The following EVX2 variants were observed in gnomAD, a reference collection of about 807,000 sequenced individuals.
EVX2 encodes homeobox even-skipped homolog protein 2.
EVX2 carries 10 observed loss-of-function variants against 19.2 expected under a neutral mutation model. The ratio of observed to expected loss-of-function variants is 0.52; its 90% CI spans 0.32 to 0.89. EVX2 has a LOEUF of 0.89. EVX2 is among the 40% of genes least tolerant of loss of function. The pLI is 0.03. For synonymous variants in EVX2, 354 were observed against 328.4 expected (o/e 1.08, Z -0.84); for missense variants, 710 against 694.9 (o/e 1.02, Z -0.24).
At position 176,082,060 on chromosome 2, in the gene EVX2, C is replaced by T; in HGVS notation, c.699+118G>A. 1.8e-6 allele frequency: 2 copies of T among 1,142,638 alleles called. No individual in the cohort carries two copies. Among genetic ancestry groups the T allele is most frequent in the Admixed American group, 3.1e-5 (1 of 31,950 alleles). 70.8% of individuals were successfully genotyped at this position (1,142,638 alleles called of 1,614,324 possible). The stretch of plus-strand genomic sequence containing the variant: ...GCCAATTCCTTTGGTGACTACCCCC[C>T]GCGGATTTCCAGACCCTTAGCTAAA... On this transcript the variant is annotated intron_variant, in intron 2 of 2. Coordinates refer to ENST00000308618, the MANE Select transcript of EVX2 (RefSeq NM_001080458.2). The surrounding 1 kb of genome is among the most constrained non-coding windows in gnomAD (Gnocchi z 5.2).
Position 176,083,266 on chromosome 2 carries a change from A to G in EVX2, c.427+84T>C. 1 of 1,400,780 alleles carries G rather than the reference A, an allele frequency of 7.1e-7. No individual in the cohort carries two copies. Among genetic ancestry groups the G allele is most frequent in the East Asian group, 2.5e-5 (1 of 40,038 alleles). The allele number at this position is 1,400,780 out of a possible 1,614,324, so 86.8% of individuals were successfully genotyped here. A position where few individuals can be genotyped will look rare whatever the true frequency, so the allele number is the denominator to read the frequency against. ...TTGCCTGTGGAGGGTCTGAGAGGGGAAAAGGCACCGGGAAAGGCTGGCGGG... is the reference window on the plus strand; with the variant it reads ...TTGCCTGTGGAGGGTCTGAGAGGGGGAAAGGCACCGGGAAAGGCTGGCGGG... On this transcript the variant is annotated intron_variant, in intron 1 of 2. Transcript: ENST00000308618. This position sits in a 1 kb window ranked among gnomAD's most constrained non-coding sequence, Gnocchi z 4.4.
chr2:176,083,642 G>C lies in EVX2; in HGVS notation c.135C>G (p.His45Gln). ...AVLEALENSQHPARLSPRLPS... is the reference protein window; with the variant it reads ...AVLEALENSQQPARLSPRLPS... ...GCAGGCGCGGGCTTAGGCGAGCCGG[G>C]TGCTGCGAATTTTCCAGGGCCTCGA... Residue 45 changes from histidine to glutamine, a missense_variant, in exon 1 of 3, where the codon CAC becomes CAG. Physicochemically the swap from His to Gln is conservative, Grantham distance 24. Coordinates refer to ENST00000308618, the MANE Select transcript of EVX2 (RefSeq NM_001080458.2). The surrounding 1 kb of genome is among the most constrained non-coding windows in gnomAD (Gnocchi z 4.4). 1 of 1,614,188 alleles carries C rather than the reference G, an allele frequency of 6.2e-7. No homozygotes were observed. Among genetic ancestry groups the C allele is most frequent in the South Asian group, 1.1e-5 (1 of 91,090 alleles).
At position 176,082,112 on chromosome 2, in the gene EVX2, G is replaced by GA; in HGVS notation, c.699+65dup. The GA allele has an allele frequency of 6.9e-7, 1 of 1,455,538 alleles. No individual in the cohort carries two copies. Among genetic ancestry groups the GA allele is most frequent in the Non-Finnish European group, 9.0e-7 (1 of 1,105,916 alleles). The allele number at this position is 1,455,538 out of a possible 1,614,324, so 90.2% of individuals were successfully genotyped here. Reference sequence around the variant, plus strand: ...CTAGCCACCCAGAAAGGGGAAAGGGGAAAAAGAAACAATCAACCCAGATGC... The same window carrying GA: ...CTAGCCACCCAGAAAGGGGAAAGGGGAAAAAAGAAACAATCAACCCAGATGC... On this transcript the variant is annotated intron_variant, in intron 2 of 2. Transcript: ENST00000308618. This position sits in a 1 kb window ranked among gnomAD's most constrained non-coding sequence, Gnocchi z 5.2.
Position 176,082,358 on chromosome 2 carries a change from G to T in EVX2, c.519C>A (p.Gly173=). The T allele has an allele frequency of 6.2e-7, 1 of 1,602,150 alleles. No homozygotes were observed. Among genetic ancestry groups the T allele is most frequent in the Non-Finnish European group, 8.5e-7 (1 of 1,178,078 alleles). Residue 173 remains glycine (G), a synonymous_variant, in exon 2 of 3, where the codon GGC becomes GGA. Coordinates refer to ENST00000308618, the MANE Select transcript of EVX2 (RefSeq NM_001080458.2). The surrounding 1 kb of genome is among the most constrained non-coding windows in gnomAD (Gnocchi z 5.2). ...CGGAGCCACCCAGCGCCGCGCTCCC[G>T]CCGCTGCCTCCGCTGCCTCCATGCA... The part of the protein sequence containing the change: ...GSLHGGSGGS[G]GSAALGGSGS...
chr2:176,083,907 A>T lies in EVX2; in HGVS notation c.-131T>A, dbSNP rs1275054810. ...ATTATCGCTTTCGGAGGGAGGCGGA[A>T]AAATTGTGGGATGCCAGAGCGAGGG... On this transcript the variant is annotated 5_prime_UTR_variant, in exon 1 of 3. Coordinates refer to ENST00000308618, the MANE Select transcript of EVX2 (RefSeq NM_001080458.2). This position sits in a 1 kb window ranked among gnomAD's most constrained non-coding sequence, Gnocchi z 4.4. 1 of 796,056 alleles carries T rather than the reference A, an allele frequency of 1.3e-6. No homozygotes were observed. The highest frequency in any genetic ancestry group is 2.0e-6 in the Non-Finnish European group (1 of 506,916). 49.3% of individuals were successfully genotyped at this position (796,056 alleles called of 1,614,324 possible). A position where few individuals can be genotyped will look rare whatever the true frequency, so the allele number is the denominator to read the frequency against.
At position 176,083,604 on chromosome 2, in the gene EVX2, A is replaced by G. The variant is rs750041037; in HGVS notation, c.173T>C (p.Leu58Pro). ...RLSPRLPSAP[L>P]HSALGELPAK... The stretch of plus-strand genomic sequence containing the variant: ...GGGGAGTTCTCCCAGAGCGCTGTGC[A>G]GGGGGGCAGACGGCAGGCGCGGGCT... The change falls in exon 1 of 3, where the codon CTG (leucine) becomes CCG (proline). Residue 58 changes from leucine to proline, a missense_variant. Leu to Pro is a moderately conservative substitution (Grantham distance 98, BLOSUM62 -3). Transcript: ENST00000308618. This position sits in a 1 kb window ranked among gnomAD's most constrained non-coding sequence, Gnocchi z 4.4. The G allele has an allele frequency of 6.2e-7, 1 of 1,614,110 alleles. No individual in the cohort carries two copies. The highest frequency in any genetic ancestry group is 8.5e-7 in the Non-Finnish European group (1 of 1,180,016).
chr2:176,083,817 G>A lies in EVX2; in HGVS notation c.-41C>T. ...AATGTCACAGTGGCCCTGCTGTCCC[G>A]TCCTAATGATAGGCTGCGCCTAGGG... On this transcript the variant is annotated 5_prime_UTR_variant, in exon 1 of 3. It adds an upstream start codon to the 5' untranslated region. Coordinates refer to ENST00000308618, the MANE Select transcript of EVX2 (RefSeq NM_001080458.2). The surrounding 1 kb of genome is among the most constrained non-coding windows in gnomAD (Gnocchi z 4.4). The A allele has an allele frequency of 1.3e-6, 2 of 1,522,392 alleles. No homozygotes were observed. Among genetic ancestry groups the A allele is most frequent in the African/African-American group, 1.4e-5 (1 of 72,976 alleles). 94.3% of individuals were successfully genotyped at this position (1,522,392 alleles called of 1,614,324 possible). A position where few individuals can be genotyped will look rare whatever the true frequency, so the allele number is the denominator to read the frequency against.
In EVX2 at chr2:176,080,104, T is replaced by A. The variant is rs375060336; in HGVS notation, c.*3A>T. On this transcript the variant is annotated 3_prime_UTR_variant, in exon 3 of 3. Coordinates refer to ENST00000308618, the MANE Select transcript of EVX2 (RefSeq NM_001080458.2). The surrounding 1 kb of genome is among the most constrained non-coding windows in gnomAD (Gnocchi z 7.0). ...GCGCGGCCCCCTGGCGGTGGCGACG[T>A]AGTTATCTGGTGAGCGGAGCCTCGT... is the stretch of plus-strand genomic sequence containing the variant. 591 of 1,533,938 alleles carry A rather than the reference T, an allele frequency of 3.9e-4. 1 individual carries two copies. Among genetic ancestry groups the A allele is most frequent in the African/African-American group, 3.0e-3 (210 of 69,832 alleles).
At position 176,080,443 on chromosome 2, in the gene EVX2, G is replaced by C. The variant is rs1689125593; in HGVS notation, c.1095C>G (p.Ala365=). The C allele has an allele frequency of 1.8e-5, 21 of 1,155,852 alleles. No individual in the cohort carries two copies. Among genetic ancestry groups the C allele is most frequent in the Non-Finnish European group, 2.1e-5 (20 of 940,304 alleles). 71.6% of individuals were successfully genotyped at this position (1,155,852 alleles called of 1,614,324 possible). Residue 365 remains alanine (A), a synonymous_variant, in exon 3 of 3, where the codon GCC becomes GCG. Coordinates refer to ENST00000308618, the MANE Select transcript of EVX2 (RefSeq NM_001080458.2). This position sits in a 1 kb window ranked among gnomAD's most constrained non-coding sequence, Gnocchi z 7.0. ...CCGCCGAGGAGGCCGCAGCCGCTGC[G>C]GCTGCCGCGGCTGCCGCGGCAGAGG... ...SAASAAAAAA[A]AAAAASSAAA...
chr2:176,083,810 C>A lies in EVX2; in HGVS notation c.-34G>T, dbSNP rs771283721. On this transcript the variant is annotated 5_prime_UTR_variant, in exon 1 of 3. Coordinates refer to ENST00000308618, the MANE Select transcript of EVX2 (RefSeq NM_001080458.2). This position sits in a 1 kb window ranked among gnomAD's most constrained non-coding sequence, Gnocchi z 4.4. ...TCTTAAAAATGTCACAGTGGCCCTGCTGTCCCGTCCTAATGATAGGCTGCG... is the reference window on the plus strand; with the variant it reads ...TCTTAAAAATGTCACAGTGGCCCTGATGTCCCGTCCTAATGATAGGCTGCG... 7.1e-6 allele frequency: 11 copies of A among 1,552,318 alleles called. No individual in the cohort carries two copies. The African/African-American group carries it at 1.5e-4, about 21-fold the overall frequency.
chr2:176,083,860 C>T lies in EVX2; in HGVS notation c.-84G>A. On this transcript the variant is annotated 5_prime_UTR_variant, in exon 1 of 3. It introduces an in-frame stop codon into an upstream open reading frame of the 5' UTR. Coordinates refer to ENST00000308618, the MANE Select transcript of EVX2 (RefSeq NM_001080458.2). The surrounding 1 kb of genome is among the most constrained non-coding windows in gnomAD (Gnocchi z 4.4). The stretch of plus-strand genomic sequence containing the variant: ...GCCTAGGGCTAATTCTCATTCAGCC[C>T]CAGCGAACGCCTCTAAATATTATTA... 8.5e-7 allele frequency: 1 copy of T among 1,182,018 alleles called. No individual in the cohort carries two copies. 73.2% of individuals were successfully genotyped at this position (1,182,018 alleles called of 1,614,324 possible). A position where few individuals can be genotyped will look rare whatever the true frequency, so the allele number is the denominator to read the frequency against.
In EVX2 at chr2:176,080,658, C is replaced by T. The variant is rs1689134206; in HGVS notation, c.880G>A (p.Ala294Thr). The part of the protein sequence containing the change: ...LHYYPHVGVT[A>T]AAAAAAASGA... ...GAGGCTGCAGCCGCGGCCGCCGCCG[C>T]CGTGACGCCCACGTGCGGGTAGTAG... Residue 294 changes from alanine (A) to threonine (T), a missense_variant, in exon 3 of 3, where the codon GCG (alanine) becomes ACG (threonine). Coordinates refer to ENST00000308618, the MANE Select transcript of EVX2 (RefSeq NM_001080458.2). The surrounding 1 kb of genome is among the most constrained non-coding windows in gnomAD (Gnocchi z 7.0). The T allele has an allele frequency of 6.3e-7, 1 of 1,579,602 alleles. No homozygotes were observed.
In EVX2 at chr2:176,080,888, C is replaced by T. The variant is rs1304914219; in HGVS notation, c.700-50G>A. ...CTGGGTTAGGGAGCGCCCCGTGTTC[C>T]CAGCTCCTGTCCCAGGACCTCTGCC... On this transcript the variant is annotated intron_variant, in intron 2 of 2. Coordinates refer to ENST00000308618, the MANE Select transcript of EVX2 (RefSeq NM_001080458.2). This position sits in a 1 kb window ranked among gnomAD's most constrained non-coding sequence, Gnocchi z 7.0. 1.3e-6 allele frequency: 2 copies of T among 1,567,006 alleles called. No homozygotes were observed. The highest frequency in any genetic ancestry group is 1.7e-6 in the Non-Finnish European group (2 of 1,159,176).
In EVX2 at chr2:176,080,060, G is replaced by C. The variant is rs1333014141; in HGVS notation, c.*47C>G. ...TCAGGGGGCGCACAGGGGACTCCCG[G>C]GCACACTCAGAGAGGCGGGCGCGGC... On this transcript the variant is annotated 3_prime_UTR_variant, in exon 3 of 3. Transcript: ENST00000308618. The surrounding 1 kb of genome is among the most constrained non-coding windows in gnomAD (Gnocchi z 7.0). 5.3e-6 allele frequency: 8 copies of C among 1,502,650 alleles called. No homozygotes were observed. The highest frequency in any genetic ancestry group is 7.1e-6 in the Non-Finnish European group (8 of 1,124,994). 93.1% of individuals were successfully genotyped at this position (1,502,650 alleles called of 1,614,324 possible). A position where few individuals can be genotyped will look rare whatever the true frequency, so the allele number is the denominator to read the frequency against.
chr2:176,083,662 C>T lies in EVX2; in HGVS notation c.115G>A (p.Ala39Thr). ...SNSAGNAVLEALENSQHPARL... is the reference protein window; with the variant it reads ...SNSAGNAVLETLENSQHPARL... ...GCCGGGTGCTGCGAATTTTCCAGGG[C>T]CTCGAGCACAGCATTGCCAGCCGAG... The change falls in exon 1 of 3, where the codon GCC becomes ACC. Residue 39 changes from alanine (A) to threonine (T), a missense_variant. Transcript: ENST00000308618. The surrounding 1 kb of genome is among the most constrained non-coding windows in gnomAD (Gnocchi z 4.4). 6.2e-7 allele frequency: 1 copy of T among 1,614,158 alleles called. No homozygotes were observed. The highest frequency in any genetic ancestry group is 8.5e-7 in the Non-Finnish European group (1 of 1,180,038).
rs1238292705 is a variant in EVX2 at position 176,083,467 on chromosome 2, G to A, written c.310C>T (p.His104Tyr). ...SAAESRKKPG[H>Y]YSEAAAEADM... ...GCCTCAGCGGCCGCCTCTGAATAATGGCCCGGCTTCTTGCGGCTCTCGGCG... is the reference window on the plus strand; with the variant it reads ...GCCTCAGCGGCCGCCTCTGAATAATAGCCCGGCTTCTTGCGGCTCTCGGCG... Residue 104 changes from histidine to tyrosine, a missense_variant, in exon 1 of 3, where the codon CAT becomes TAT. His to Tyr is a moderately conservative substitution (Grantham distance 83). Transcript: ENST00000308618. The surrounding 1 kb of genome is among the most constrained non-coding windows in gnomAD (Gnocchi z 4.4). 7 of 1,614,162 alleles carry A rather than the reference G, an allele frequency of 4.3e-6. No individual in the cohort carries two copies. Among genetic ancestry groups the A allele is most frequent in the African/African-American group, 1.3e-5 (1 of 75,080 alleles).
Position 176,083,303 on chromosome 2 carries a change from A to G in EVX2, c.427+47T>C, listed in dbSNP as rs1574938577. On this transcript the variant is annotated intron_variant, in intron 1 of 2. Coordinates refer to ENST00000308618, the MANE Select transcript of EVX2 (RefSeq NM_001080458.2). The surrounding 1 kb of genome is among the most constrained non-coding windows in gnomAD (Gnocchi z 4.4). ...GAAAGGCTGGCGGGGGCCGCGGAGG[A>G]GCAAAGAGGATGGGACTGGAGAGCG... 1 of 1,523,492 alleles carries G rather than the reference A, an allele frequency of 6.6e-7. No homozygotes were observed. Among genetic ancestry groups the G allele is most frequent in the South Asian group, 1.2e-5 (1 of 81,444 alleles). The allele number at this position is 1,523,492 out of a possible 1,614,324, so 94.4% of individuals were successfully genotyped here.
Position 176,083,046 on chromosome 2 carries a change from C to T in EVX2, c.427+304G>A, listed in dbSNP as rs543647400. 1.7e-4 allele frequency among the ~76,000 whole-genome samples: 26 copies of T among 152,312 alleles called. No homozygotes were observed. The highest frequency in any genetic ancestry group is 6.0e-4 in the African/African-American group (25 of 41,574). On this transcript the variant is annotated intron_variant, in intron 1 of 2. Transcript: ENST00000308618. This position sits in a 1 kb window ranked among gnomAD's most constrained non-coding sequence, Gnocchi z 4.4. The stretch of plus-strand genomic sequence containing the variant: ...TTCCCAAAAGCAACTCGGCTGCTGA[C>T]TAGGGGTCTACCGGCTCGCTCGGGC...
Position 176,082,804 on chromosome 2 carries a change from T to C in EVX2, c.428-355A>G, listed in dbSNP as rs907950898. On this transcript the variant is annotated intron_variant, in intron 1 of 2. Coordinates refer to ENST00000308618, the MANE Select transcript of EVX2 (RefSeq NM_001080458.2). This position sits in a 1 kb window ranked among gnomAD's most constrained non-coding sequence, Gnocchi z 5.2. ...AGCTTTTTATACGGCCTCTAACCTT[T>C]ATCTGAGTCTTCGGGGTTTCAAATA... Among the ~76,000 whole-genome samples the C allele has an allele frequency of 6.6e-6, 1 of 152,196 alleles. No homozygotes were observed. The highest frequency in any genetic ancestry group is 2.4e-5 in the African/African-American group (1 of 41,452).
Sources: gnomAD v4.1 joint callset for allele counts (sites outside exome capture counted in the v4.1 genomes callset) on GRCh38, gnomAD v4.1.1 for gene constraint, Gnocchi (gnomAD v3.1) non-coding constraint, MANE v1.5 for transcripts, NCBI Gene and HGNC (gene_info 2026-07-23, HGNC 2026-07-21) for gene names.